The following ARPC1A variants were observed in gnomAD, a reference collection of about 807,000 sequenced individuals.
ARPC1A encodes the protein actin-related protein 2/3 complex subunit 1A.
ARPC1A carries 8 observed loss-of-function variants against 46.9 expected under a neutral mutation model. The ratio of observed to expected loss-of-function variants is 0.17; its 90% CI spans 0.10 to 0.31. ARPC1A has a LOEUF of 0.31. Among genes scored for constraint, ARPC1A ranks in the 10% least tolerant of loss-of-function variants. The pLI is 1.00. For synonymous variants in ARPC1A, 152 were observed against 169.0 expected, an observed-to-expected ratio of 0.90 and a Z score of 0.78; for missense variants, 286 against 483.6, an observed-to-expected ratio of 0.59 and a Z score of 3.83.
intron 5 of ARPC1A, among the ~76,000 whole-genome samples, chr7:99,349,679 A>G (rs1429375936): frequency 6.6e-6 from 1 of 152,132 alleles, no homozygotes; most frequent in African/African-American, 2.4e-5. Flanking sequence ...TCTACTAAAA[A>G]AATACAAAAA....
At chr7:99,339,864 C>T (rs1584377582) in intron 3 of ARPC1A, 4 of 408,882 alleles carry the variant, frequency 9.8e-6, no homozygotes, top group East Asian at 7.4e-5. Flanking sequence ...ACAGGGTATG[C>T]ATATCTGCAG....
At position 99,365,899 on chromosome 7, in the gene ARPC1A, G is replaced by A; in HGVS notation, c.1083G>A (p.Glu361=). The A allele has an allele frequency of 6.3e-7, 1 of 1,575,684 alleles. No homozygotes were observed. Among genetic ancestry groups the A allele is most frequent in the South Asian group, 1.2e-5 (1 of 86,194 alleles). ...TTCCCACCTTTTCCAAGACCCTCGA[G>A]TCTTCCATCCAGGGCCTCCGGATAA... is the stretch of plus-strand genomic sequence containing the variant. ...AMTIWDFKTL[E]SSIQGLRIM is the part of the protein sequence containing the mutation. The change falls in exon 10 of 10, where the codon GAG becomes GAA. Residue 361 remains glutamate (E), a synonymous_variant. Transcript: ENST00000262942.
At chr7:99,330,092 A>G (rs1793120858) in intron 1 of ARPC1A, among the ~76,000 whole-genome samples, 1 of 152,052 alleles carries the variant, frequency 6.6e-6, no homozygotes, top group Non-Finnish European at 1.5e-5. Flanking sequence ...AAACATTCTC[A>G]TTTGAATGCA....
At chr7:99,348,740 TA>T in intron 4 of ARPC1A, 111 bp from the exon 5 acceptor site, 1 of 604,818 alleles carries the variant, frequency 1.7e-6, no homozygotes, top group Non-Finnish European at 2.7e-6. Flanking sequence ...AATTTTTTTT[TA>T]AATTAAGGAA....
At chr7:99,361,934 G>A (rs954969241) in intron 8 of ARPC1A, among the ~76,000 whole-genome samples, 2 of 152,122 alleles carry the variant, frequency 1.3e-5, no homozygotes, top group Non-Finnish European at 2.9e-5. Context: ...ACTCAAATTT[G>A]AATTTCATGT....
At chr7:99,334,687 T>G (rs1359370524) in intron 2 of ARPC1A, among the ~76,000 whole-genome samples, 1 of 152,124 alleles carries the variant, frequency 6.6e-6, no homozygotes, top group African/African-American at 2.4e-5. Flanking sequence ...GTTTATTTAT[T>G]TATTTATTTA....
intron 6 of ARPC1A, among the ~76,000 whole-genome samples, chr7:99,356,143 G>C (rs1384720959): frequency 6.6e-6 from 1 of 152,080 alleles, no homozygotes; most frequent in Non-Finnish European, 1.5e-5. Context: ...TTTTGTGATG[G>C]ACATGGCCAC....
chr7:99,365,654 G>C (rs1793826095), intron 9 of ARPC1A, among the ~76,000 whole-genome samples: 1 of 151,684 alleles, frequency 6.6e-6, no homozygotes, highest in African/African-American at 2.4e-5. Flanking sequence ...TGTGCCCAGA[G>C]CCTGTGTGTG....
intron 1 of ARPC1A, among the ~76,000 whole-genome samples, chr7:99,326,585 T>C (rs1793051643): frequency 6.6e-6 from 1 of 152,244 alleles, no homozygotes; most frequent in Non-Finnish European, 1.5e-5. Flanking sequence ...TGGAATCTTT[T>C]ATGCCAGTCC....
intron 5 of ARPC1A, among the ~76,000 whole-genome samples, chr7:99,351,442 C>T (rs1793541089): frequency 6.6e-6 from 1 of 151,994 alleles, no homozygotes; most frequent in African/African-American, 2.4e-5. Context: ...TGGTCTCAAA[C>T]TCCTGGCCTC....
At chr7:99,363,471 C>A in intron 8 of ARPC1A, 72 bp from the exon 9 acceptor site, 1 of 1,090,546 alleles carries the variant, frequency 9.2e-7, no homozygotes, top group Non-Finnish European at 1.4e-6. Flanking sequence ...TGCCCTTACA[C>A]TATTAGTCAG....
chr7:99,341,754 T>C (rs1793360779), intron 3 of ARPC1A, among the ~76,000 whole-genome samples: 1 of 152,124 alleles, frequency 6.6e-6, no homozygotes, highest in Non-Finnish European at 1.5e-5. Flanking sequence ...CTACTTCTCT[T>C]TTGGGGTCCT....
intron 3 of ARPC1A, among the ~76,000 whole-genome samples, chr7:99,339,141 G>A (rs1020391697): frequency 6.6e-6 from 1 of 152,086 alleles, no homozygotes; most frequent in African/African-American, 2.4e-5. Context: ...TCTTGATGAT[G>A]GTAAAGTCAC....
rs1584390510 is a variant in ARPC1A at position 99,366,225 on chromosome 7, T to C, written c.*296T>C. ...AGACAGGGTGAGGGAGATATGTAAA[T>C]TGTCCACTAGAAAATTAAATAAAAG... On this transcript the variant is annotated 3_prime_UTR_variant, in exon 10 of 10. Transcript: ENST00000262942. 3.1e-6 allele frequency: 1 copy of C among 320,060 alleles called. No homozygotes were observed. The highest frequency in any genetic ancestry group is 5.7e-6 in the Non-Finnish European group (1 of 173,978). The allele number at this position is 320,060 out of a possible 1,614,324, so 19.8% of individuals were successfully genotyped here. A position where few individuals can be genotyped will look rare whatever the true frequency, so the allele number is the denominator to read the frequency against.
At chr7:99,344,548 C>G (rs1793408099) in intron 4 of ARPC1A, 33 bp downstream of exon 4, 1 of 1,603,628 alleles carries the variant, frequency 6.2e-7, no homozygotes. Flanking sequence ...CTATCCCTCT[C>G]TATAGAATTT....
intron 3 of ARPC1A, among the ~76,000 whole-genome samples, chr7:99,340,578 T>C (rs1030422824): frequency 2.6e-5 from 4 of 152,156 alleles, no homozygotes; most frequent in Non-Finnish European, 5.9e-5. Context: ...CAGGAGCTGG[T>C]ACTAAAGGTG....
At chr7:99,345,267 T>C (rs989103667) in intron 4 of ARPC1A, among the ~76,000 whole-genome samples, 4 of 152,080 alleles carry the variant, frequency 2.6e-5, no homozygotes, top group Non-Finnish European at 5.9e-5. Flanking sequence ...GCCAACCAAA[T>C]CTGTGTCTTG....
intron 4 of ARPC1A, among the ~76,000 whole-genome samples, chr7:99,345,029 G>T (rs1156802495): frequency 7.0e-6 from 1 of 143,720 alleles, no homozygotes; most frequent in African/African-American, 2.6e-5. Context: ...TCCGCCCCCT[G>T]GTTCAAGCAA....
chr7:99,365,193 G>A (rs988335007), intron 9 of ARPC1A, among the ~76,000 whole-genome samples: 1 of 152,136 alleles, frequency 6.6e-6, no homozygotes, highest in Non-Finnish European at 1.5e-5. Context: ...GCTCATGCCT[G>A]TCTTCCCAGC....
Sources: gnomAD v4.1 joint callset for allele counts (sites outside exome capture counted in the v4.1 genomes callset) on GRCh38, gnomAD v4.1.1 for gene constraint, MANE v1.5 for transcripts, NCBI Gene and HGNC (gene_info 2026-07-23, HGNC 2026-07-21) for gene names.